CPEB4: variants seen among roughly 807,000 people sequenced by gnomAD.
CPEB4 encodes the protein cytoplasmic polyadenylation element binding protein 4.
A neutral mutation model predicts 72.5 loss-of-function variants in CPEB4; 12 were observed. The observed-to-expected ratio is 0.17, with a 90% CI of 0.11 to 0.27. The LOEUF is 0.27. CPEB4 is among the 10% of genes least tolerant of loss of function. The pLI is 1.00. For synonymous variants in CPEB4, 302 were observed against 326.3 expected (o/e 0.93, Z 0.80); for missense variants, 614 against 908.5 (o/e 0.68, Z 4.17).
chr5:173,940,340 T>C (rs547943025), intron 3 of CPEB4, among the ~76,000 whole-genome samples: 1 of 152,336 alleles, frequency 6.6e-6, no homozygotes, highest in Non-Finnish European at 1.5e-5. Flanking sequence ...ATTAAAGTCA[T>C]TTTTTAACTT....
Position 173,960,078 on chromosome 5 carries a change from T to C in CPEB4, c.*3941T>C, listed in dbSNP as rs549331863. On this transcript the variant is annotated 3_prime_UTR_variant, in exon 10 of 10. Coordinates refer to ENST00000265085, the MANE Select transcript of CPEB4 (RefSeq NM_030627.4). ...GTAGTATTTATTATAGCATTTTAAA[T>C]AAGGGTAATTCATTTTTTATTAAAG... 6.5e-6 allele frequency: 1 copy of C among 152,840 alleles called. No individual in the cohort carries two copies. The highest frequency in any genetic ancestry group is 2.4e-5 in the African/African-American group (1 of 41,580). 9.5% of individuals were successfully genotyped at this position (152,840 alleles called of 1,614,324 possible). A position where few individuals can be genotyped will look rare whatever the true frequency, so the allele number is the denominator to read the frequency against.
At chr5:173,943,254 T>G (rs1484216459) in intron 4 of CPEB4, among the ~76,000 whole-genome samples, 1 of 152,190 alleles carries the variant, frequency 6.6e-6, no homozygotes, top group African/African-American at 2.4e-5. Context: ...ATGGTGGGAT[T>G]TGGATTTGAA....
chr5:173,910,969 G>C (rs1756636120), intron 2 of CPEB4, among the ~76,000 whole-genome samples: 1 of 152,032 alleles, frequency 6.6e-6, no homozygotes, highest in Non-Finnish European at 1.5e-5. Context: ...CCCAGGAACA[G>C]TTCACATGTT....
chr5:173,905,056 CAG>C (rs1322403561), intron 1 of CPEB4, among the ~76,000 whole-genome samples: 1 of 150,214 alleles, frequency 6.7e-6, no homozygotes, highest in African/African-American at 2.4e-5. Flanking sequence ...TTAATTAAGA[CAG>C]TGTTTATCAA....
chr5:173,900,195 C>A lies in CPEB4; in HGVS notation c.1125+9337C>A, dbSNP rs112603380. Reference sequence around the variant, plus strand: ...CTGAGGTGGGCGGATCACCTGAGGTCGGGAGTTCGAGACCAGCCTGACCAA... The same window carrying A: ...CTGAGGTGGGCGGATCACCTGAGGTAGGGAGTTCGAGACCAGCCTGACCAA... On this transcript the variant is annotated intron_variant, in intron 1 of 9. Coordinates refer to ENST00000265085, the MANE Select transcript of CPEB4 (RefSeq NM_030627.4). The surrounding 1 kb of genome is among the most constrained non-coding windows in gnomAD (Gnocchi z 4.4). 0.044 allele frequency among the ~76,000 whole-genome samples: 6,625 copies of A among 152,096 alleles called. 481 individuals are homozygous for A. Among genetic ancestry groups the A allele is most frequent in the African/African-American group, 0.15 (6,194 of 41,420 alleles).
At chr5:173,915,120 C>T (rs1327283950) in intron 2 of CPEB4, among the ~76,000 whole-genome samples, 3 of 152,026 alleles carry the variant, frequency 2.0e-5, no homozygotes, top group African/African-American at 7.2e-5. Flanking sequence ...TACTGTAATG[C>T]GGTTAAAAAA....
intron 3 of CPEB4, among the ~76,000 whole-genome samples, chr5:173,940,907 T>C (rs1757814196): frequency 6.6e-6 from 1 of 152,190 alleles, no homozygotes; most frequent in South Asian, 2.1e-4. Flanking sequence ...ATGAATTATT[T>C]TATATTGACC....
intron 3 of CPEB4, among the ~76,000 whole-genome samples, chr5:173,936,814 CTTTT>C (rs57420146): frequency 1.4e-5 from 2 of 142,530 alleles, no homozygotes; most frequent in Admixed American, 7.0e-5. Context: ...GTGCATTATA[CTTTT>C]TTTTTTTTTT....
intron 1 of CPEB4, among the ~76,000 whole-genome samples, chr5:173,896,967 T>C (rs747176812): frequency 1.4e-4 from 22 of 152,356 alleles, no homozygotes; most frequent in South Asian, 1.0e-3. Flanking sequence ...AGGCACCTTA[T>C]GTATGTGGCC....
intron 2 of CPEB4, among the ~76,000 whole-genome samples, chr5:173,930,991 A>C (rs1387897052): frequency 1.9e-3 from 3 of 1,542 alleles, no homozygotes; most frequent in African/African-American, 3.0e-3. Flanking sequence ...ACTCTGTCTC[A>C]AAAAAAAAAA....
chr5:173,924,325 T>A (rs1195226458), intron 2 of CPEB4, among the ~76,000 whole-genome samples: 1 of 152,198 alleles, frequency 6.6e-6, no homozygotes, highest in Non-Finnish European at 1.5e-5. Flanking sequence ...TTGGCTTTGA[T>A]GAAAGTAAGG....
Position 173,918,698 on chromosome 5 carries a change from G to A in CPEB4, c.1207+8094G>A, listed in dbSNP as rs13159138. Among the ~76,000 whole-genome samples, 5 of 152,172 alleles carry A rather than the reference G, an allele frequency of 3.3e-5. No homozygotes were observed. In the South Asian group the frequency reaches 8.3e-4, roughly 25 times the overall value. On this transcript the variant is annotated intron_variant, in intron 2 of 9. Transcript: ENST00000265085. Reference sequence around the variant, plus strand: ...CTTACATAACACATACTAGTCAATCGAAAATAGTGATCCTCTGCCCTCTAC... The same window carrying A: ...CTTACATAACACATACTAGTCAATCAAAAATAGTGATCCTCTGCCCTCTAC...
In CPEB4 at chr5:173,953,191, T is replaced by C; in HGVS notation, c.1881T>C (p.Val627=). Residue 627 remains valine (V), a synonymous_variant, in exon 9 of 10, where the codon GTT becomes GTC. Transcript: ENST00000265085. ...ELKYPKGAGR[V]AFSNQQSYIA... ...AATACCCAAAAGGAGCTGGGAGAGT[T>C]GCGTTCTCTAATCAACAGAGTTACA... 6.2e-7 allele frequency: 1 copy of C among 1,613,914 alleles called. No homozygotes were observed. Among genetic ancestry groups the C allele is most frequent in the Non-Finnish European group, 8.5e-7 (1 of 1,179,856 alleles).
intron 2 of CPEB4, among the ~76,000 whole-genome samples, chr5:173,925,005 G>T (rs537626761): frequency 1.3e-5 from 2 of 152,316 alleles, no homozygotes; most frequent in South Asian, 4.1e-4. Flanking sequence ...GGCAGGGAAG[G>T]CTTCTCATAA....
At chr5:173,906,435 T>C (rs1280083333) in intron 1 of CPEB4, among the ~76,000 whole-genome samples, 1 of 152,248 alleles carries the variant, frequency 6.6e-6, no homozygotes, top group Non-Finnish European at 1.5e-5. Context: ...AATATGTGGC[T>C]TTTGAACTCT....
Position 173,950,664 on chromosome 5 carries a change from TAATAA to T in CPEB4, c.1665+591_1665+595del, listed in dbSNP as rs1410484464. Among the ~76,000 whole-genome samples the T allele has an allele frequency of 1.3e-5, 2 of 152,190 alleles. No individual in the cohort carries two copies. The highest frequency in any genetic ancestry group is 4.8e-5 in the African/African-American group (2 of 41,538). Reference sequence around the variant, plus strand: ...ACCAGACTTCATTTGATAATGCATTTAATAAAATAGCAGAATCAACTCTGAATAAC... The same window carrying T: ...ACCAGACTTCATTTGATAATGCATTTAATAGCAGAATCAACTCTGAATAAC... On this transcript the variant is annotated intron_variant, in intron 7 of 9. Transcript: ENST00000265085. The surrounding 1 kb of genome is among the most constrained non-coding windows in gnomAD (Gnocchi z 5.0).
In CPEB4 at chr5:173,921,969, T is replaced by C. The variant is rs74681035; in HGVS notation, c.1208-10481T>C. On this transcript the variant is annotated intron_variant, in intron 2 of 9. Transcript: ENST00000265085. ...TAACCCAGATCCTTACGGTAACCTG[T>C]TATGTGAGTTTTGTGGTCTTCATTT... Among the ~76,000 whole-genome samples, 50 of 152,310 alleles carry C rather than the reference T, an allele frequency of 3.3e-4. No individual in the cohort carries two copies. The East Asian group carries it at 9.3e-3, about 28-fold the overall frequency.
intron 3 of CPEB4, among the ~76,000 whole-genome samples, chr5:173,941,803 G>A (rs573926765): frequency 6.6e-6 from 1 of 152,280 alleles, no homozygotes; most frequent in African/African-American, 2.4e-5. Context: ...GCTTGAACCC[G>A]GGAGGCGGAG....
chr5:173,888,866 C>A lies in CPEB4; in HGVS notation c.-868C>A, dbSNP rs949838778. The A allele has an allele frequency of 3.9e-6, 1 of 253,988 alleles. No individual in the cohort carries two copies. Among genetic ancestry groups the A allele is most frequent in the Non-Finnish European group, 7.4e-6 (1 of 134,546 alleles). 15.7% of individuals were successfully genotyped at this position (253,988 alleles called of 1,614,324 possible). On this transcript the variant is annotated 5_prime_UTR_variant, in exon 1 of 10. Coordinates refer to ENST00000265085, the MANE Select transcript of CPEB4 (RefSeq NM_030627.4). This position sits in a 1 kb window ranked among gnomAD's most constrained non-coding sequence, Gnocchi z 4.3. ...CCCCAGGCCGCCCGCTCACCCTCGT[C>A]GAGTCTCGCTAATCCCTCCTGATCG...
Sources: allele counts gnomAD v4.1 joint callset (sites outside exome capture counted in the v4.1 genomes callset), GRCh38; gene constraint gnomAD v4.1.1; non-coding constraint Gnocchi (gnomAD v3.1); transcripts MANE v1.5; gene names NCBI Gene and HGNC (gene_info 2026-07-23, HGNC 2026-07-21).